Variants in ARHGAP20 observed in about 807,000 individuals in gnomAD.
ARHGAP20 encodes the protein rho GTPase-activating protein 20.
ARHGAP20 carries 34 observed loss-of-function variants against 73.7 expected under a neutral mutation model. That is an observed-to-expected ratio of 0.46 (90% CI 0.35 to 0.61). The LOEUF is 0.61. ARHGAP20 is among the 20% of genes least tolerant of loss of function. ARHGAP20 has a pLI of 0.00. For synonymous variants in ARHGAP20, 523 were observed against 518.2 expected (o/e 1.01, Z -0.13); for missense variants, 1,314 against 1,420.9 (o/e 0.92, Z 1.21).
At chr11:110,661,778 T>C (rs944592063) in intron 2 of ARHGAP20, among the ~76,000 whole-genome samples, 2 of 152,102 alleles carry the variant, frequency 1.3e-5, no homozygotes, top group African/African-American at 2.4e-5. Context: ...AAAACAGATA[T>C]TCTTCTACGT....
chr11:110,641,465 G>C (rs1335773399), intron 2 of ARHGAP20, among the ~76,000 whole-genome samples: 5 of 151,988 alleles, frequency 3.3e-5, no homozygotes, highest in Non-Finnish European at 7.4e-5. Flanking sequence ...TATGAGCATT[G>C]TCTCTAAAGA....
chr11:110,641,652 T>C (rs964421836), intron 2 of ARHGAP20, among the ~76,000 whole-genome samples: 2 of 151,936 alleles, frequency 1.3e-5, no homozygotes, highest in Non-Finnish European at 2.9e-5. Flanking sequence ...GCTATTACCA[T>C]GCCACCACAC....
chr11:110,641,865 CA>C (rs560394954), intron 2 of ARHGAP20, among the ~76,000 whole-genome samples: 36 of 152,106 alleles, frequency 2.4e-4, no homozygotes, highest in African/African-American at 8.2e-4. Flanking sequence ...CTTCATTATC[CA>C]CTAAGTAAAA....
intron 2 of ARHGAP20, among the ~76,000 whole-genome samples, chr11:110,643,059 G>A (rs1486256743): frequency 2.6e-5 from 4 of 151,958 alleles, no homozygotes; most frequent in Admixed American, 1.3e-4. Context: ...TTTTTAATTT[G>A]TGTGGATAGA....
rs945075310 is a variant in ARHGAP20, at chr11:110,711,991, A to C, written c.105+136T>G. ...GGGCGGGAAGTGTTCTGGGACTCTC[A>C]TTAGGGGCCGCGAGCCTCGAGCGTC... is the stretch of plus-strand genomic sequence containing the variant. On this transcript the variant is annotated intron_variant, in intron 1 of 14. Coordinates refer to ENST00000683387, the MANE Select transcript of ARHGAP20 (RefSeq NM_001384657.1). 5.6e-6 allele frequency: 7 copies of C among 1,239,700 alleles called. No homozygotes were observed. In the African/African-American group the frequency reaches 9.3e-5, roughly 17 times the overall value. 76.8% of individuals were successfully genotyped at this position (1,239,700 alleles called of 1,614,324 possible).
intron 2 of ARHGAP20, among the ~76,000 whole-genome samples, chr11:110,675,719 C>G (rs1949916654): frequency 6.6e-6 from 1 of 152,162 alleles, no homozygotes; most frequent in African/African-American, 2.4e-5. Flanking sequence ...CGGACCAATA[C>G]CAGTCTGTGG....
At chr11:110,589,746 T>G (rs1354534571) in intron 11 of ARHGAP20, 1 of 962,202 alleles carries the variant, frequency 1.0e-6, no homozygotes, top group Non-Finnish European at 1.2e-6. Context: ...GGGTAAAGTG[T>G]AAGAACCACA....
intron 2 of ARHGAP20, among the ~76,000 whole-genome samples, chr11:110,660,583 A>G (rs1479649208): frequency 6.6e-6 from 1 of 152,164 alleles, no homozygotes; most frequent in Non-Finnish European, 1.5e-5. Flanking sequence ...CCATCGACAG[A>G]TCTACCCTGC....
intron 7 of ARHGAP20, among the ~76,000 whole-genome samples, chr11:110,610,652 C>G (rs1417535572): frequency 9.9e-5 from 15 of 152,046 alleles, no homozygotes; most frequent in Non-Finnish European, 1.5e-5. Flanking sequence ...CTAATCTTCT[C>G]CACTCCTAAA....
At chr11:110,711,565 A>G in intron 1 of ARHGAP20, 2 of 1,441,058 alleles carry the variant, frequency 1.4e-6, no homozygotes, top group Non-Finnish European at 1.8e-6. Flanking sequence ...AGTACTCCCC[A>G]TATCTGCCCC....
chr11:110,599,643 T>C (rs1457432902), intron 9 of ARHGAP20, among the ~76,000 whole-genome samples: 1 of 152,128 alleles, frequency 6.6e-6, no homozygotes, highest in Non-Finnish European at 1.5e-5. Context: ...TGTGGTGCTT[T>C]TTCTGGGTCT....
intron 1 of ARHGAP20, among the ~76,000 whole-genome samples, chr11:110,710,752 G>A (rs1950633834): frequency 6.6e-6 from 1 of 152,150 alleles, no homozygotes. Flanking sequence ...CAAGGTCCTT[G>A]GGAACTCCCA....
At chr11:110,663,665 A>T (rs1412011594) in intron 2 of ARHGAP20, among the ~76,000 whole-genome samples, 1 of 152,100 alleles carries the variant, frequency 6.6e-6, no homozygotes, top group Non-Finnish European at 1.5e-5. Flanking sequence ...GAATTCTACC[A>T]AATACTAATG....
At chr11:110,640,459 A>G (rs1387632262) in intron 2 of ARHGAP20, among the ~76,000 whole-genome samples, 1 of 152,036 alleles carries the variant, frequency 6.6e-6, no homozygotes, top group Non-Finnish European at 1.5e-5. Flanking sequence ...TGGAACAAAA[A>G]GACTACTGAA....
intron 2 of ARHGAP20, among the ~76,000 whole-genome samples, chr11:110,645,286 A>G (rs534024877): frequency 3.9e-5 from 6 of 152,262 alleles, no homozygotes; most frequent in Admixed American, 1.3e-4. Flanking sequence ...CTGGGATTAC[A>G]GACATAAACC....
At chr11:110,698,001 G>T (rs1418090787) in intron 1 of ARHGAP20, among the ~76,000 whole-genome samples, 1 of 151,688 alleles carries the variant, frequency 6.6e-6, no homozygotes, top group Non-Finnish European at 1.5e-5. Context: ...TGACTCTGTA[G>T]ATTGCCTTGA....
At chr11:110,611,468 T>C (rs988991789) in intron 6 of ARHGAP20, 82 bp from the exon 7 acceptor site, 4 of 683,132 alleles carry the variant, frequency 5.9e-6, no homozygotes, top group Non-Finnish European at 6.9e-6. Context: ...CAAATGATTA[T>C]CGAAAGGCAA....
At chr11:110,636,849 A>G (rs1173034887) in intron 2 of ARHGAP20, among the ~76,000 whole-genome samples, 1 of 152,032 alleles carries the variant, frequency 6.6e-6, no homozygotes, top group Non-Finnish European at 1.5e-5. Flanking sequence ...AGTGAAGTGT[A>G]GATGTGTTTA....
intron 11 of ARHGAP20, among the ~76,000 whole-genome samples, chr11:110,589,242 T>C (rs1947757297): frequency 6.6e-6 from 1 of 152,196 alleles, no homozygotes; most frequent in Admixed American, 6.5e-5. Flanking sequence ...TGTTCCAGGA[T>C]TGAAGAGTAA....
Sources: gnomAD v4.1 joint callset for allele counts (sites outside exome capture counted in the v4.1 genomes callset) on GRCh38, gnomAD v4.1.1 for gene constraint, MANE v1.5 for transcripts, NCBI Gene and HGNC (gene_info 2026-07-23, HGNC 2026-07-21) for gene names.